RAF1: variants seen among roughly 807,000 people sequenced by gnomAD.
The protein encoded by RAF1 is RAF proto-oncogene serine/threonine-protein kinase.
Under a neutral mutation model 81.1 loss-of-function variants are expected in RAF1, and 27 were observed. The observed-to-expected ratio is 0.33, with a 90% confidence interval of 0.25 to 0.46. RAF1 has a LOEUF of 0.46. Ranked by LOEUF, RAF1 falls within the 20% of genes least tolerant of loss-of-function variation. The pLI, the probability that RAF1 is intolerant of heterozygous loss-of-function variation, is 1.00. For synonymous variants in RAF1, 298 were observed against 294.0 expected (o/e 1.01, Z -0.14); for missense variants, 598 against 826.0 (o/e 0.72, Z 3.38).
intron 1 of RAF1, among the ~76,000 whole-genome samples, chr3:12,627,545 G>A (rs2059740497): frequency 6.6e-6 from 1 of 152,134 alleles, no homozygotes; most frequent in Non-Finnish European, 1.5e-5. Flanking sequence ...TTAGCTTTCT[G>A]TAGTCACCTA....
At chr3:12,635,463 C>T (rs1387233687) in intron 1 of RAF1, among the ~76,000 whole-genome samples, 3 of 150,558 alleles carry the variant, frequency 2.0e-5, no homozygotes, top group Non-Finnish European at 3.0e-5. Context: ...ATGGTGAAAC[C>T]CCACCTCTAC....
chr3:12,633,629 C>A, intron 1 of RAF1, among the ~76,000 whole-genome samples: 1 of 81,274 alleles, frequency 1.2e-5, no homozygotes, highest in Non-Finnish European at 2.2e-5. Flanking sequence ...TAAACTTTTA[C>A]AGTTAAAAAA....
chr3:12,651,858 A>T (rs1201238294), intron 1 of RAF1, among the ~76,000 whole-genome samples: 1 of 150,234 alleles, frequency 6.7e-6, no homozygotes, highest in African/African-American at 2.5e-5. Flanking sequence ...AAAAATACAA[A>T]ATTAGCCAGG....
intron 1 of RAF1, among the ~76,000 whole-genome samples, chr3:12,643,051 C>T (rs1187966405): frequency 6.6e-6 from 1 of 152,092 alleles, no homozygotes; most frequent in African/African-American, 2.4e-5. Context: ...CCTATTCTTT[C>T]AAGAAGTAAG....
At chr3:12,622,030 T>C (rs1050127923) in intron 1 of RAF1, among the ~76,000 whole-genome samples, 1 of 152,230 alleles carries the variant, frequency 6.6e-6, no homozygotes, top group African/African-American at 2.4e-5. Flanking sequence ...ATTTTATTTC[T>C]GTAAGAGGGG....
At chr3:12,598,119 A>C (rs555783331) in intron 11 of RAF1, among the ~76,000 whole-genome samples, 1 of 151,066 alleles carries the variant, frequency 6.6e-6, no homozygotes, top group African/African-American at 2.4e-5. Flanking sequence ...CCTGAGCTCA[A>C]GCAATCTTCC....
intron 5 of RAF1, among the ~76,000 whole-genome samples, chr3:12,607,019 C>T (rs1401138496): frequency 6.6e-6 from 1 of 152,154 alleles, no homozygotes; most frequent in Non-Finnish European, 1.5e-5. Context: ...AATACTGGTC[C>T]TGTGTCTAGC....
At chr3:12,586,450 A>G (rs1260566372) in intron 14 of RAF1, among the ~76,000 whole-genome samples, 1 of 152,196 alleles carries the variant, frequency 6.6e-6, no homozygotes, top group Non-Finnish European at 1.5e-5. Context: ...AAACACACAC[A>G]AAGTAACTTG....
chr3:12,609,118 G>C (rs1328518099), intron 4 of RAF1, 115 bp downstream of exon 4: 1 of 1,057,022 alleles, frequency 9.5e-7, no homozygotes, highest in Non-Finnish European at 1.5e-6. Flanking sequence ...ACAGCATAAA[G>C]AACTTTAAAC....
chr3:12,637,298 T>A (rs541195452), intron 1 of RAF1, among the ~76,000 whole-genome samples: 2 of 152,106 alleles, frequency 1.3e-5, no homozygotes, highest in African/African-American at 4.8e-5. Context: ...GAATACAGAG[T>A]ATTGTATATA....
At position 12,583,767 on chromosome 3, in the gene RAF1, G is replaced by T. The variant is rs1471470675; in HGVS notation, c.*747C>A. 1.5e-5 allele frequency: 3 copies of T among 199,720 alleles called. No homozygotes were observed. The Admixed American group carries it at 1.9e-4, about 13-fold the overall frequency. 12.4% of individuals were successfully genotyped at this position (199,720 alleles called of 1,614,324 possible). A position where few individuals can be genotyped will look rare whatever the true frequency, so the allele number is the denominator to read the frequency against. ...ATGATGTGACTAGAGAAACAAGGCTGTTTGTTTGTTTGTTTGTTAGAGAAA... is the reference window on the plus strand; with the variant it reads ...ATGATGTGACTAGAGAAACAAGGCTTTTTGTTTGTTTGTTTGTTAGAGAAA... On this transcript the variant is annotated 3_prime_UTR_variant, in exon 18 of 18. Coordinates refer to ENST00000442415, the MANE Select transcript of RAF1 (RefSeq NM_001354689.3).
intron 2 of RAF1, among the ~76,000 whole-genome samples, chr3:12,612,970 C>T (rs2059262585): frequency 6.6e-6 from 1 of 152,112 alleles, no homozygotes; most frequent in Admixed American, 6.5e-5. Flanking sequence ...CTCACAAGTA[C>T]TTAACACTAG....
At chr3:12,611,615 G>T (rs1473077435) in intron 3 of RAF1, among the ~76,000 whole-genome samples, 1 of 152,138 alleles carries the variant, frequency 6.6e-6, no homozygotes, top group East Asian at 1.9e-4. Context: ...CAGGAAAATG[G>T]CGTGAACCCG....
At chr3:12,604,008 A>G (rs1559425647) in intron 7 of RAF1, 128 bp downstream of exon 7, 1 of 1,059,816 alleles carries the variant, frequency 9.4e-7, no homozygotes, top group Non-Finnish European at 1.4e-6. Flanking sequence ...AATAAACTGT[A>G]AAAGTCCAGA....
intron 1 of RAF1, among the ~76,000 whole-genome samples, chr3:12,647,875 C>G (rs1022004983): frequency 7.2e-5 from 11 of 152,224 alleles, no homozygotes; most frequent in Admixed American, 2.6e-4. Flanking sequence ...AGCCACTCTA[C>G]TCTTCTAAAA....
In RAF1 at chr3:12,618,524, T is replaced by C; in HGVS notation, c.198A>G (p.Gln66=). 1 of 1,614,232 alleles carries C rather than the reference T, an allele frequency of 6.2e-7. No individual in the cohort carries two copies. The highest frequency in any genetic ancestry group is 1.1e-5 in the South Asian group (1 of 91,090). ...TAGAATGTTCACATACCACTGTTCT[T>C]TGCTTGTTCGGCAAGAAAACACGGA... The change falls in exon 2 of 18, where the codon CAA becomes CAG. Residue 66 remains glutamine, a synonymous_variant. Coordinates refer to ENST00000442415, the MANE Select transcript of RAF1 (RefSeq NM_001354689.3).
intron 11 of RAF1, among the ~76,000 whole-genome samples, chr3:12,595,735 CCT>C (rs1326885773): frequency 6.6e-6 from 1 of 152,148 alleles, no homozygotes; most frequent in Admixed American, 6.5e-5. Flanking sequence ...CAGATTCCTC[CCT>C]GACCAACCTA....
At chr3:12,604,866 C>G (rs2058977074) in intron 6 of RAF1, among the ~76,000 whole-genome samples, 1 of 152,158 alleles carries the variant, frequency 6.6e-6, no homozygotes, top group African/African-American at 2.4e-5. Context: ...CAACCCCCAC[C>G]AACCAAACTG....
At chr3:12,626,191 C>A (rs2059696419) in intron 1 of RAF1, among the ~76,000 whole-genome samples, 1 of 149,106 alleles carries the variant, frequency 6.7e-6, no homozygotes, top group African/African-American at 2.5e-5. Context: ...TTGCAGTGAG[C>A]CAAGATAGCG....
Sources: allele counts gnomAD v4.1 joint callset (sites outside exome capture counted in the v4.1 genomes callset), GRCh38; gene constraint gnomAD v4.1.1; transcripts MANE v1.5; gene names NCBI Gene and HGNC (gene_info 2026-07-23, HGNC 2026-07-21).